PDIA5: variants seen among roughly 807,000 people sequenced by gnomAD.
The protein encoded by PDIA5 is protein disulfide isomerase family A member 5.
A neutral mutation model predicts 77.6 loss-of-function variants in PDIA5; 58 were observed. The ratio of observed to expected loss-of-function variants is 0.75; its 90% CI spans 0.61 to 0.93. The LOEUF (loss-of-function observed/expected upper bound fraction) is 0.93. PDIA5 is among the 40% of genes least tolerant of loss of function. The pLI is 0.00. For synonymous variants in PDIA5, 250 were observed against 252.1 expected (o/e 0.99, Z 0.08); for missense variants, 630 against 647.7 (o/e 0.97, Z 0.30).
At chr3:123,079,330 G>T (rs1396821751) in intron 1 of PDIA5, among the ~76,000 whole-genome samples, 2 of 151,784 alleles carry the variant, frequency 1.3e-5, no homozygotes, top group East Asian at 1.9e-4. Flanking sequence ...ACAGGCGCCC[G>T]CCACCACGCC....
intron 15 of PDIA5, 127 bp downstream of exon 15, chr3:123,155,168 G>A: frequency 4.2e-6 from 3 of 706,448 alleles, no homozygotes; most frequent in South Asian, 3.2e-5. Flanking sequence ...AATTCCTTGG[G>A]AACCAGGACA....
chr3:123,130,454 AGCTCTGCCTGTTTTTGGTCTTCCAG>A lies in PDIA5; in HGVS notation c.774-25_774-1del. 6.2e-7 allele frequency: 1 copy of A among 1,608,040 alleles called. No homozygotes were observed. On this transcript the variant is annotated splice_acceptor_variant and splice_polypyrimidine_tract_variant and intron_variant, in intron 10 of 16. Transcript: ENST00000316218. LOFTEE classifies it high-confidence loss of function. ...TGCCAAGGCCCCAGGGCCTGCTCTG[AGCTCTGCCTGTTTTTGGTCTTCCAG>A]TCCGCAGCCGCCACAGCCCCAGGTC...
At position 123,116,298 on chromosome 3, in the gene PDIA5, C is replaced by A. The variant is rs747066440; in HGVS notation, c.609C>A (p.Ala203=). Residue 203 remains alanine, a splice_region_variant and synonymous_variant, in exon 8 of 17, where the codon GCC becomes GCA. Coordinates refer to ENST00000316218, the MANE Select transcript of PDIA5 (RefSeq NM_006810.4). Reference sequence around the variant, plus strand: ...CTGCGACTCAGCTGCGAGGCCACGCCGTAAGTGAGGCGCCATTGCCTGGCA... The same window carrying A: ...CTGCGACTCAGCTGCGAGGCCACGCAGTAAGTGAGGCGCCATTGCCTGGCA... ...QKAATQLRGH[A]VLAGMNVYSS... The A allele has an allele frequency of 4.1e-5, 66 of 1,611,960 alleles. No individual in the cohort carries two copies. The highest frequency in any genetic ancestry group is 1.7e-4 in the Middle Eastern group (1 of 6,058).
At chr3:123,146,020 G>T (rs1272501049) in intron 12 of PDIA5, 79 bp from the exon 13 acceptor site, 1 of 1,375,954 alleles carries the variant, frequency 7.3e-7, no homozygotes, top group Non-Finnish European at 1.0e-6. Flanking sequence ...TGGGTTGTGG[G>T]GGCAGCGTCT....
Position 123,161,918 on chromosome 3 carries a change from G to A in PDIA5, c.1518G>A (p.Glu506=). The A allele has an allele frequency of 1.9e-6, 3 of 1,607,150 alleles. No homozygotes were observed. The highest frequency in any genetic ancestry group is 2.6e-6 in the Non-Finnish European group (3 of 1,173,828). ...CCAATTATATTCGAGCCCTCCGGGA[G>A]GGAGACCATGAAAGACTAGGGAAAA... ...GFTNYIRALR[E]GDHERLGKKK... is the part of the protein sequence containing the mutation. The change falls in exon 17 of 17, where the codon GAG becomes GAA. Residue 506 remains glutamate, a synonymous_variant. Transcript: ENST00000316218.
intron 15 of PDIA5, among the ~76,000 whole-genome samples, chr3:123,158,633 T>C (rs906262511): frequency 6.6e-6 from 1 of 152,190 alleles, no homozygotes; most frequent in Non-Finnish European, 1.5e-5. Context: ...CCCCCATCTG[T>C]CATTGGCCTT....
Position 123,154,991 on chromosome 3 carries a change from G to C in PDIA5, c.1294G>C (p.Val432Leu). 1 of 1,612,402 alleles carries C rather than the reference G, an allele frequency of 6.2e-7. No individual in the cohort carries two copies. Among genetic ancestry groups the C allele is most frequent in the Non-Finnish European group, 8.5e-7 (1 of 1,178,444 alleles). Residue 432 changes from valine (V) to leucine (L), a missense_variant, in exon 15 of 17, where the codon GTC (valine) becomes CTC (leucine). By Grantham distance (32) the Val-to-Leu change is conservative. Transcript: ENST00000316218. ...CACAGGGTGCCCACACTGTAAGAAGGTCATTCCGCACTTTACTGCTACTGC... is the reference window on the plus strand; with the variant it reads ...CACAGGGTGCCCACACTGTAAGAAGCTCATTCCGCACTTTACTGCTACTGC... Reference protein sequence around the residue: ...YAPWCPHCKKVIPHFTATADA... With the variant: ...YAPWCPHCKKLIPHFTATADA...
At chr3:123,092,157 C>A (rs1259556596) in intron 2 of PDIA5, among the ~76,000 whole-genome samples, 198 bp from the exon 3 acceptor site, 1 of 152,030 alleles carries the variant, frequency 6.6e-6, no homozygotes, top group African/African-American at 2.4e-5. Flanking sequence ...TCAGGGGTTT[C>A]TGAGAAGAGC....
In PDIA5 at chr3:123,133,195, G is replaced by C. The variant is rs547857785; in HGVS notation, c.910+2579G>C. ...CAGAGTGCTTCTGAGAATCCCCAGTGATCAAGAAACCACTTTTGCAGTGTT... is the reference window on the plus strand; with the variant it reads ...CAGAGTGCTTCTGAGAATCCCCAGTCATCAAGAAACCACTTTTGCAGTGTT... On this transcript the variant is annotated intron_variant, in intron 11 of 16. Coordinates refer to ENST00000316218, the MANE Select transcript of PDIA5 (RefSeq NM_006810.4). Among the ~76,000 whole-genome samples, 60 of 152,292 alleles carry C rather than the reference G, an allele frequency of 3.9e-4. 1 individual carries two copies. Among genetic ancestry groups the C allele is most frequent in the African/African-American group, 1.4e-3 (60 of 41,548 alleles).
intron 5 of PDIA5, 46 bp downstream of exon 5, chr3:123,102,842 A>G (rs775706035): frequency 1.5e-6 from 2 of 1,298,072 alleles, no homozygotes; most frequent in Non-Finnish European, 2.2e-6. Context: ...GTCTAAATGG[A>G]CGCCCAAAGT....
intron 1 of PDIA5, among the ~76,000 whole-genome samples, chr3:123,076,325 G>A (rs1933857646): frequency 6.6e-6 from 1 of 152,068 alleles, no homozygotes; most frequent in Non-Finnish European, 1.5e-5. Flanking sequence ...TCTCTAAAGT[G>A]GGGATAGTAC....
At chr3:123,089,922 G>C (rs1488698761) in intron 2 of PDIA5, among the ~76,000 whole-genome samples, 1 of 152,238 alleles carries the variant, frequency 6.6e-6, no homozygotes, top group Non-Finnish European at 1.5e-5. Flanking sequence ...GGTTTGCTTG[G>C]CTCTTGGCAG....
chr3:123,125,546 T>A (rs1409273969), intron 10 of PDIA5, among the ~76,000 whole-genome samples: 1 of 152,072 alleles, frequency 6.6e-6, no homozygotes, highest in African/African-American at 2.4e-5. Context: ...TTTATTGACA[T>A]CATTACCTTA....
At chr3:123,085,368 C>T (rs936950413) in intron 1 of PDIA5, among the ~76,000 whole-genome samples, 4 of 152,086 alleles carry the variant, frequency 2.6e-5, no homozygotes, top group Non-Finnish European at 5.9e-5. Context: ...CAGTCTGAGC[C>T]CCAGTGTCAT....
chr3:123,115,088 G>C (rs139821301), intron 7 of PDIA5, among the ~76,000 whole-genome samples: 58 of 152,354 alleles, frequency 3.8e-4, no homozygotes, highest in African/African-American at 1.3e-3. Flanking sequence ...GAGCTGGGCT[G>C]CCTGTCGCCA....
chr3:123,156,499 T>C (rs1335385784), intron 15 of PDIA5, among the ~76,000 whole-genome samples: 1 of 152,220 alleles, frequency 6.6e-6, no homozygotes, highest in African/African-American at 2.4e-5. Context: ...ACAGGGTAGT[T>C]GCTCCTGCTT....
intron 11 of PDIA5, 62 bp downstream of exon 11, chr3:123,130,678 G>A: frequency 6.4e-7 from 1 of 1,573,602 alleles, no homozygotes; most frequent in African/African-American, 1.3e-5. Flanking sequence ...GGATGAGTGT[G>A]GCGCTTTGCA....
chr3:123,151,895 T>G (rs1334907638), intron 14 of PDIA5, among the ~76,000 whole-genome samples: 376 of 123,806 alleles, frequency 3.0e-3, no homozygotes, highest in Middle Eastern at 5.7e-3. Context: ...CTGCCTTCCT[T>G]CCTGCCTGCC....
At chr3:123,077,985 T>G (rs1209732793) in intron 1 of PDIA5, among the ~76,000 whole-genome samples, 1 of 152,004 alleles carries the variant, frequency 6.6e-6, no homozygotes, top group Non-Finnish European at 1.5e-5. Flanking sequence ...AATTTTTGTA[T>G]TTTTAGTAGA....
Sources: allele counts gnomAD v4.1 joint callset (sites outside exome capture counted in the v4.1 genomes callset), GRCh38; gene constraint gnomAD v4.1.1; transcripts MANE v1.5; gene names NCBI Gene and HGNC (gene_info 2026-07-23, HGNC 2026-07-21).